RARB: variants seen among roughly 807,000 people sequenced by gnomAD.
The protein encoded by RARB is HBV-activated protein.
In RARB, 17 loss-of-function variants were observed where a neutral mutation model predicts 51.9. The observed-to-expected ratio is 0.33, with a 90% CI of 0.22 to 0.49. The LOEUF is 0.49. RARB is among the 20% of genes least tolerant of loss of function. RARB has a pLI of 0.99. For missense variants in RARB, 369 were observed against 550.8 expected, an observed-to-expected ratio of 0.67 and a Z score of 3.30; for synonymous variants, 215 against 195.4, an observed-to-expected ratio of 1.10 and a Z score of -0.84.
chr3:25,449,963 G>T (rs1355485128), intron 1 of RARB, among the ~76,000 whole-genome samples: 1 of 151,898 alleles, frequency 6.6e-6, no homozygotes, highest in African/African-American at 2.4e-5. Flanking sequence ...CGTTGGCCAG[G>T]CTGGTCTCAA....
chr3:25,140,811 GC>G (rs1700096279), intron 4 of RARB, among the ~76,000 whole-genome samples: 1 of 151,930 alleles, frequency 6.6e-6, no homozygotes, highest in Non-Finnish European at 1.5e-5. Flanking sequence ...CCCAACTAAT[GC>G]CCCAATCCAT....
chr3:25,482,521 ATTTTTTTTTTTTTTT>A (rs71087718), intron 2 of RARB, among the ~76,000 whole-genome samples: 9 of 65,788 alleles, frequency 1.4e-4, no homozygotes, highest in African/African-American at 4.2e-4. Context: ...TAGCAGCCAA[ATTTTTTTTTTTTTTT>A]TTTTTTTTTT....
exon 5 of RARB, chr3:25,174,325 C>A: frequency 8.0e-7 from 1 of 1,256,262 alleles, no homozygotes; most frequent in Non-Finnish European, 1.1e-6. Context: ...CATTTGCCTC[C>A]CTCACTTTGG....
intron 2 of RARB, among the ~76,000 whole-genome samples, chr3:25,045,189 T>A (rs1698188628): frequency 6.6e-6 from 1 of 152,184 alleles, no homozygotes; most frequent in Non-Finnish European, 1.5e-5. Context: ...AAAGCAACTT[T>A]CCTGGGTGTT....
At chr3:25,158,273 C>T (rs1700411213) in intron 4 of RARB, among the ~76,000 whole-genome samples, 2 of 152,212 alleles carry the variant, frequency 1.3e-5, no homozygotes, top group South Asian at 2.1e-4. Context: ...AAAACCAAAT[C>T]ACCCTTCAAT....
intron 2 of RARB, among the ~76,000 whole-genome samples, chr3:25,466,411 G>T (rs1226257508): frequency 2.6e-5 from 4 of 152,132 alleles, no homozygotes; most frequent in Non-Finnish European, 5.9e-5. Flanking sequence ...GGTCAGGCTG[G>T]TCTCAAACTT....
chr3:25,383,698 C>T lies in RARB; in HGVS notation c.179-77495C>T, dbSNP rs139427481. 5.4e-3 allele frequency among the ~76,000 whole-genome samples: 827 copies of T among 152,202 alleles called. 6 individuals are homozygous for T. Among genetic ancestry groups the T allele is most frequent in the Non-Finnish European group, 8.8e-3 (601 of 68,010 alleles). On this transcript the variant is annotated intron_variant, in intron 5 of 11. Coordinates refer to the RARB transcript ENST00000383772. ...ATCCCAGCACTTTGGGAGGCCGAGGCGAGCGGATCATCTGAGGTCAGGAGT... is the reference window on the plus strand; with the variant it reads ...ATCCCAGCACTTTGGGAGGCCGAGGTGAGCGGATCATCTGAGGTCAGGAGT...
chr3:25,335,959 C>T (rs1705049823), intron 5 of RARB, among the ~76,000 whole-genome samples: 1 of 151,964 alleles, frequency 6.6e-6, no homozygotes, highest in African/African-American at 2.4e-5. Context: ...TATTATCCAT[C>T]CTCTAAAACA....
At chr3:25,402,106 G>C (rs1707279506) in intron 5 of RARB, among the ~76,000 whole-genome samples, 1 of 152,142 alleles carries the variant, frequency 6.6e-6, no homozygotes, top group African/African-American at 2.4e-5. Context: ...ATTTTGATTT[G>C]TAGAAAGAGT....
At chr3:25,277,736 G>T (rs1383997564) in intron 5 of RARB, among the ~76,000 whole-genome samples, 1 of 152,164 alleles carries the variant, frequency 6.6e-6, no homozygotes, top group African/African-American at 2.4e-5. Context: ...CATTCTGTGT[G>T]GGTCCCTCTG....
intron 4 of RARB, among the ~76,000 whole-genome samples, chr3:25,164,758 T>A (rs1297172716): frequency 6.6e-6 from 1 of 152,212 alleles, no homozygotes; most frequent in East Asian, 1.9e-4. Flanking sequence ...CAAATAGAAA[T>A]GGGTACGCAT....
At chr3:25,541,478 C>A (rs957860605) in intron 3 of RARB, among the ~76,000 whole-genome samples, 1 of 152,126 alleles carries the variant, frequency 6.6e-6, no homozygotes, top group African/African-American at 2.4e-5. Context: ...CTGGCATGTA[C>A]GTTTGTTGAA....
At chr3:25,546,308 C>T (rs1699613578) in intron 3 of RARB, among the ~76,000 whole-genome samples, 1 of 152,198 alleles carries the variant, frequency 6.6e-6, no homozygotes, top group Non-Finnish European at 1.5e-5. Context: ...GAGTGCCACA[C>T]TGGGGTGAAT....
chr3:25,364,273 A>G (rs1168501399), intron 5 of RARB, among the ~76,000 whole-genome samples: 1 of 152,164 alleles, frequency 6.6e-6, no homozygotes, highest in African/African-American at 2.4e-5. Flanking sequence ...CTCAATGAAT[A>G]TTTGTGAATA....
At chr3:25,204,759 T>A (rs1411630793) in intron 5 of RARB, among the ~76,000 whole-genome samples, 1 of 152,120 alleles carries the variant, frequency 6.6e-6, no homozygotes. Flanking sequence ...AAACAGCAAA[T>A]GTTGCTGCCT....
At chr3:25,521,318 C>T (rs1286568085) in intron 3 of RARB, among the ~76,000 whole-genome samples, 1 of 152,146 alleles carries the variant, frequency 6.6e-6, no homozygotes, top group Non-Finnish European at 1.5e-5. Context: ...AGAGTTCCTT[C>T]CTAGATCTAA....
chr3:25,166,058 CCTCA>C (rs1033093556), intron 4 of RARB, among the ~76,000 whole-genome samples: 3 of 151,790 alleles, frequency 2.0e-5, no homozygotes, highest in African/African-American at 7.3e-5. Context: ...TTTCATCCTC[CCTCA>C]CTCGGTGGTC....
rs184007327 is a variant in RARB, at chr3:25,366,460, G to A, written c.179-94733G>A. ...CCAATTATGTGAAATAAATGATCAGGTTAATAGAAGTAACCTCTGTTTTAA... is the reference window on the plus strand; with the variant it reads ...CCAATTATGTGAAATAAATGATCAGATTAATAGAAGTAACCTCTGTTTTAA... On this transcript the variant is annotated intron_variant, in intron 5 of 11. Transcript: ENST00000383772. Among the ~76,000 whole-genome samples the A allele has an allele frequency of 2.6e-4, 40 of 152,272 alleles. No homozygotes were observed. The East Asian group carries it at 3.9e-3, about 15-fold the overall frequency.
At chr3:25,454,292 G>C (rs17590461) in intron 1 of RARB, among the ~76,000 whole-genome samples, 4,148 of 152,292 alleles carry the variant, frequency 0.027, 78 homozygotes, top group Middle Eastern at 0.075. Flanking sequence ...TTGCAGTCCT[G>C]CAGTGAATCC....
Sources: gnomAD v4.1 joint callset for allele counts (sites outside exome capture counted in the v4.1 genomes callset) on GRCh38, gnomAD v4.1.1 for gene constraint, MANE v1.5 for transcripts, NCBI Gene and HGNC (gene_info 2026-07-23, HGNC 2026-07-21) for gene names.